The following ARMC3 variants were observed in gnomAD, a reference collection of about 807,000 sequenced individuals.
ARMC3 encodes armadillo repeat containing 3, also known as armadillo repeat-containing protein 3.
In ARMC3, 74 loss-of-function variants were observed where a neutral mutation model predicts 90.3. That is an observed-to-expected ratio of 0.82 (90% CI 0.68 to 0.99). ARMC3 has a LOEUF of 0.99. Ranked by LOEUF, ARMC3 falls within the 50% of genes least tolerant of loss-of-function variation. The pLI, the probability that ARMC3 is intolerant of heterozygous loss-of-function variation, is 0.00. For synonymous variants in ARMC3, 334 were observed against 361.8 expected, an observed-to-expected ratio of 0.92 and a Z score of 0.87; for missense variants, 958 against 1,042.8, an observed-to-expected ratio of 0.92 and a Z score of 1.12.
intron 8 of ARMC3, among the ~76,000 whole-genome samples, chr10:22,978,704 G>A (rs559554681): frequency 6.6e-6 from 1 of 152,254 alleles, no homozygotes; most frequent in South Asian, 2.1e-4. Context: ...TGTATTGAAA[G>A]CATATAATCA....
intron 16 of ARMC3, among the ~76,000 whole-genome samples, chr10:23,027,835 G>T (rs1472355724): frequency 6.7e-6 from 1 of 148,524 alleles, no homozygotes; most frequent in African/African-American, 2.5e-5. Context: ...TCTGTCAACT[G>T]TTTTTTTCAA....
chr10:22,992,773 G>A (rs1352687572), intron 10 of ARMC3, among the ~76,000 whole-genome samples: 1 of 151,920 alleles, frequency 6.6e-6, no homozygotes, highest in African/African-American at 2.4e-5. Flanking sequence ...TGAGAAACTG[G>A]CTGGAACAAG....
chr10:22,984,041 C>T (rs1000532091), intron 10 of ARMC3, among the ~76,000 whole-genome samples: 2 of 152,176 alleles, frequency 1.3e-5, no homozygotes, highest in Non-Finnish European at 2.9e-5. Flanking sequence ...TTCTGTCATA[C>T]ATAAGTAGCA....
intron 3 of ARMC3, among the ~76,000 whole-genome samples, chr10:22,947,321 C>A (rs1270521176): frequency 4.0e-5 from 5 of 123,970 alleles, no homozygotes; most frequent in Admixed American, 2.9e-4. Flanking sequence ...ACAAACCAAC[C>A]AACCAAAAAA....
chr10:22,996,227 T>G (rs975668251), intron 10 of ARMC3, among the ~76,000 whole-genome samples: 2 of 152,330 alleles, frequency 1.3e-5, no homozygotes, highest in Admixed American at 1.3e-4. Context: ...TCTGATAAAC[T>G]AATATATTAG....
intron 4 of ARMC3, among the ~76,000 whole-genome samples, chr10:22,956,749 AT>A (rs1564351161): frequency 1.4e-5 from 2 of 140,770 alleles, no homozygotes; most frequent in African/African-American, 5.1e-5. Flanking sequence ...TATGTGATTA[AT>A]ATCAATATAC....
intron 16 of ARMC3, among the ~76,000 whole-genome samples, chr10:23,019,497 C>A (rs1242483584): frequency 2.0e-5 from 3 of 152,116 alleles, no homozygotes; most frequent in Admixed American, 2.0e-4. Context: ...ATCCTAACCC[C>A]TGGTATTTTC....
intron 16 of ARMC3, among the ~76,000 whole-genome samples, chr10:23,010,871 T>A (rs1367484203): frequency 0.011 from 601 of 55,634 alleles, 10 homozygotes; most frequent in African/African-American, 0.025. Context: ...TTGCCTCTCC[T>A]CTCCTTCCCT....
intron 16 of ARMC3, among the ~76,000 whole-genome samples, chr10:23,021,027 A>G (rs979124871): frequency 1.3e-5 from 2 of 152,044 alleles, no homozygotes; most frequent in African/African-American, 2.4e-5. Context: ...TGTGTATGCA[A>G]TGTTTAGCTT....
rs762403977 is a variant in ARMC3 at position 23,037,320 on chromosome 10, C to T, written c.2460C>T (p.Tyr820=). The part of the protein sequence containing the change: ...GIGCSLVRGE[Y]GRAWNEVMLQ... ...GTTGCTCCCTAGTTCGCGGAGAGTA[C>T]GGTAGAGCGTGGAATGAAGTCATGC... Residue 820 remains tyrosine, a synonymous_variant, in exon 19 of 19, where the codon TAC becomes TAT. Coordinates refer to ENST00000298032, the MANE Select transcript of ARMC3 (RefSeq NM_173081.5). The T allele has an allele frequency of 2.0e-5, 33 of 1,613,170 alleles. No homozygotes were observed. Among genetic ancestry groups the T allele is most frequent in the South Asian group, 1.2e-4 (11 of 90,888 alleles).
intron 10 of ARMC3, among the ~76,000 whole-genome samples, chr10:22,986,197 C>T (rs1460632571): frequency 6.7e-6 from 1 of 149,858 alleles, no homozygotes; most frequent in African/African-American, 2.5e-5. Context: ...TCCCAAGCAT[C>T]TAGAACACTG....
At chr10:23,002,173 GCGCTGCATGTCCC>G in intron 12 of ARMC3, 118 bp downstream of exon 12, 3 of 1,407,342 alleles carry the variant, frequency 2.1e-6, no homozygotes, top group Non-Finnish European at 2.8e-6. Context: ...GTCCGCTGAA[GCGCTGCATGTCCC>G]CAGGGCGGGC....
At position 22,932,016 on chromosome 10, in the gene ARMC3, A is replaced by G; in HGVS notation, c.20A>G (p.Lys7Arg). The change falls in exon 2 of 19, where the codon AAG becomes AGG. Residue 7 changes from lysine (K) to arginine (R), a missense_variant. Lys to Arg is a conservative substitution (Grantham distance 26). Coordinates refer to ENST00000298032, the MANE Select transcript of ARMC3 (RefSeq NM_173081.5). MGKKIKKEVEPPPKDVF... is the reference protein window; with the variant it reads MGKKIKREVEPPPKDVF... ...TCCAGGATGGGTAAAAAGATAAAGA[A>G]GGAAGTAGAGCCTCCTCCTAAGGAT... The G allele has an allele frequency of 6.2e-7, 1 of 1,605,862 alleles. No homozygotes were observed. The highest frequency in any genetic ancestry group is 2.2e-5 in the East Asian group (1 of 44,692).
chr10:22,999,269 CA>C (rs1303514163), intron 11 of ARMC3, among the ~76,000 whole-genome samples: 9 of 152,010 alleles, frequency 5.9e-5, no homozygotes, highest in African/African-American at 2.2e-4. Context: ...TTATTTAGGC[CA>C]GGTGCAGTGG....
intron 2 of ARMC3, among the ~76,000 whole-genome samples, chr10:22,944,960 CA>C (rs1834468779): frequency 6.6e-6 from 1 of 152,176 alleles, no homozygotes; most frequent in South Asian, 2.1e-4. Flanking sequence ...TAAGAACAAA[CA>C]AGACTTTTGT....
In ARMC3 at chr10:23,008,946, T is replaced by C; in HGVS notation, c.2045+15T>C. On this transcript the variant is annotated intron_variant, in intron 16 of 18. Transcript: ENST00000298032. ...AAAGGATGGAGGTAAGAAAGTGTCC[T>C]GAGTTCCTCATTACCCAGCCAGGCT... The C allele has an allele frequency of 1.9e-6, 3 of 1,605,594 alleles. No homozygotes were observed. The highest frequency in any genetic ancestry group is 1.7e-6 in the Non-Finnish European group (2 of 1,173,842).
At chr10:22,947,226 A>G (rs1834565054) in intron 3 of ARMC3, among the ~76,000 whole-genome samples, 2 of 151,288 alleles carry the variant, frequency 1.3e-5, no homozygotes, top group African/African-American at 4.9e-5. Context: ...GGACTGCTTG[A>G]CCCTGGGAGG....
At chr10:22,962,887 C>CA (rs1835262640) in intron 7 of ARMC3, among the ~76,000 whole-genome samples, 1 of 152,176 alleles carries the variant, frequency 6.6e-6, no homozygotes, top group African/African-American at 2.4e-5. Context: ...TGTTCCCAGC[C>CA]ATGTGGACCT....
intron 8 of ARMC3, among the ~76,000 whole-genome samples, chr10:22,980,398 A>AT (rs1204150172): frequency 6.6e-6 from 1 of 152,106 alleles, no homozygotes; most frequent in Non-Finnish European, 1.5e-5. Flanking sequence ...AGGTTGTTTC[A>AT]TTTTATACCA....
Sources: gnomAD v4.1 joint callset for allele counts (sites outside exome capture counted in the v4.1 genomes callset) on GRCh38, gnomAD v4.1.1 for gene constraint, MANE v1.5 for transcripts, NCBI Gene and HGNC (gene_info 2026-07-23, HGNC 2026-07-21) for gene names.